Variants in IGLON5 observed in about 807,000 individuals in gnomAD.
IGLON5 encodes the protein IgLON family member 5, also known as Ig-like domain-containing protein ENSP00000270642.
In IGLON5, 16 loss-of-function variants were observed where a neutral mutation model predicts 38.2. That is an observed-to-expected ratio of 0.42 (90% CI 0.28 to 0.64). The LOEUF is 0.64. IGLON5 is among the 30% of genes least tolerant of loss of function. The pLI, the probability that IGLON5 is intolerant of heterozygous loss-of-function variation, is 0.23. For synonymous variants in IGLON5, 207 were observed against 216.4 expected, an observed-to-expected ratio of 0.96 and a Z score of 0.38; for missense variants, 366 against 483.4, an observed-to-expected ratio of 0.76 and a Z score of 2.28.
chr19:51,323,528 C>T (rs1363647585), intron 2 of IGLON5, 134 bp from the exon 3 acceptor site: 1 of 712,422 alleles, frequency 1.4e-6, no homozygotes, highest in Non-Finnish European at 2.4e-6. Context: ...ATGGTGGGCA[C>T]AGCAGCATCC....
In IGLON5 at chr19:51,327,598, G is replaced by A; in HGVS notation, c.768-134G>A. 2 of 1,308,468 alleles carry A rather than the reference G, an allele frequency of 1.5e-6. No homozygotes were observed. Among genetic ancestry groups the A allele is most frequent in the Non-Finnish European group, 2.1e-6 (2 of 966,792 alleles). The allele number at this position is 1,308,468 out of a possible 1,614,324, so 81.1% of individuals were successfully genotyped here. A position where few individuals can be genotyped will look rare whatever the true frequency, so the allele number is the denominator to read the frequency against. ...GGGAGTGACCCGAGGTACATGAGGT[G>A]CTAGAACCCGAGGCGATGGGTCACT... On this transcript the variant is annotated intron_variant, in intron 6 of 7. Transcript: ENST00000270642. This position sits in a 1 kb window ranked among gnomAD's most constrained non-coding sequence, Gnocchi z 7.1.
chr19:51,313,583 C>A (rs1984822108), intron 1 of IGLON5, among the ~76,000 whole-genome samples: 1 of 131,288 alleles, frequency 7.6e-6, no homozygotes, highest in South Asian at 2.4e-4. Flanking sequence ...TTTTCTTTCT[C>A]TTTCCTTCTT....
rs11879401 is a variant in IGLON5, at chr19:51,322,855, T to C, written c.158+713T>C. Among the ~76,000 whole-genome samples, 291 of 149,912 alleles carry C rather than the reference T, an allele frequency of 1.9e-3. 1 individual carries two copies. Among genetic ancestry groups the C allele is most frequent in the African/African-American group, 6.7e-3 (270 of 40,544 alleles). ...CTGTGTGTCTCTGTCCCTCTCTCTC[T>C]GGGTCTCTGTTCTCCTCTCTCTTTC... On this transcript the variant is annotated intron_variant, in intron 2 of 7. Transcript: ENST00000270642.
intron 1 of IGLON5, among the ~76,000 whole-genome samples, chr19:51,316,886 C>G (rs1984938334): frequency 1.3e-5 from 2 of 152,086 alleles, no homozygotes; most frequent in Non-Finnish European, 2.9e-5. Context: ...TTCTCACAGC[C>G]TTTCCCAGCC....
At position 51,323,860 on chromosome 19, in the gene IGLON5, G is replaced by A. The variant is rs1283522705; in HGVS notation, c.357G>A (p.Gln119=). The part of the protein sequence containing the change: ...LYTCSFQTRH[Q]PYTTQVYLIV... ...CCTGCTCCTTCCAGACCCGCCACCA[G>A]CCGTACACCACTCAGGTCTACCTCA... The change falls in exon 3 of 8, where the codon CAG becomes CAA. Residue 119 remains glutamine (Q), a synonymous_variant. Transcript: ENST00000270642. 1 of 1,613,348 alleles carries A rather than the reference G, an allele frequency of 6.2e-7. No homozygotes were observed. The highest frequency in any genetic ancestry group is 8.5e-7 in the Non-Finnish European group (1 of 1,179,572).
At chr19:51,314,935 A>T (rs1984879462) in intron 1 of IGLON5, among the ~76,000 whole-genome samples, 1 of 152,092 alleles carries the variant, frequency 6.6e-6, no homozygotes, top group Non-Finnish European at 1.5e-5. Flanking sequence ...CTGCAGACTT[A>T]GACACGACAC....
chr19:51,326,997 G>T, intron 5 of IGLON5, 83 bp from the exon 6 acceptor site: 1 of 1,589,004 alleles, frequency 6.3e-7, no homozygotes, highest in Admixed American at 1.8e-5. Flanking sequence ...AGACTTACGG[G>T]CCTGAGGGAG....
At chr19:51,322,289 A>G in intron 2 of IGLON5, 147 bp downstream of exon 2, 3 of 675,800 alleles carry the variant, frequency 4.4e-6, no homozygotes, top group Non-Finnish European at 7.9e-6. Flanking sequence ...CGACACAGCT[A>G]TGAGCTGGCT....
rs1390127238 is a variant in IGLON5 at position 51,327,846 on chromosome 19, C to G, written c.882C>G (p.Ala294=). 6.5e-7 allele frequency: 1 copy of G among 1,543,430 alleles called. No individual in the cohort carries two copies. Among genetic ancestry groups the G allele is most frequent in the Admixed American group, 2.0e-5 (1 of 50,716 alleles). The change falls in exon 7 of 8, where the codon GCC becomes GCG. Residue 294 remains alanine (A), a synonymous_variant. Transcript: ENST00000270642. The surrounding 1 kb of genome is among the most constrained non-coding windows in gnomAD (Gnocchi z 7.1). The part of the protein sequence containing the change: ...RHYGNYTCRA[A]NRLGASSASM... ...ACGGCAACTATACGTGTCGCGCCGC[C>G]AACCGACTGGGAGCGTCCAGCGCCT... is the stretch of plus-strand genomic sequence containing the variant.
At position 51,324,760 on chromosome 19, in the gene IGLON5, G is replaced by A. The variant is rs760108177; in HGVS notation, c.392-586G>A. ...CAGCGATACCCTGGCATCCTATCTC[G>A]AGGGCCATCCTGCTTGGAGAAATGT... On this transcript the variant is annotated intron_variant, in intron 3 of 7. Transcript: ENST00000270642. The surrounding 1 kb of genome is among the most constrained non-coding windows in gnomAD (Gnocchi z 4.2). Among the ~76,000 whole-genome samples the A allele has an allele frequency of 1.3e-5, 2 of 151,228 alleles. No homozygotes were observed. The highest frequency in any genetic ancestry group is 6.6e-5 in the Admixed American group (1 of 15,132).
At chr19:51,323,576 G>C in intron 2 of IGLON5, 86 bp from the exon 3 acceptor site, 2 of 1,094,474 alleles carry the variant, frequency 1.8e-6, no homozygotes, top group Non-Finnish European at 2.7e-6. Context: ...AGATGCGGTG[G>C]CCTCCTTCTC....
chr19:51,323,088 TGTGA>T (rs1985115841), intron 2 of IGLON5, among the ~76,000 whole-genome samples: 1 of 148,450 alleles, frequency 6.7e-6, no homozygotes, highest in Admixed American at 6.6e-5. Flanking sequence ...TCTGTGTGTG[TGTGA>T]GTCTCTGTCC....
In IGLON5 at chr19:51,311,753, G is replaced by T. The variant is rs1414255502; in HGVS notation, c.-95G>T. The T allele has an allele frequency of 1.7e-5, 2 of 120,604 alleles. No homozygotes were observed. The highest frequency in any genetic ancestry group is 9.2e-5 in the Admixed American group (1 of 10,894). 7.5% of individuals were successfully genotyped at this position (120,604 alleles called of 1,614,324 possible). On this transcript the variant is annotated 5_prime_UTR_variant, in exon 1 of 8. Coordinates refer to ENST00000270642, the MANE Select transcript of IGLON5 (RefSeq NM_001101372.3). ...CCCCCCGGGCCGGTGCAGCGCAGGC[G>T]GGGTCCCCCTCCCCCTCCCCCCTCT...
In IGLON5 at chr19:51,325,483, G is replaced by A. The variant is rs200204178; in HGVS notation, c.511+18G>A. On this transcript the variant is annotated intron_variant, in intron 4 of 7. Coordinates refer to ENST00000270642, the MANE Select transcript of IGLON5 (RefSeq NM_001101372.3). The surrounding 1 kb of genome is among the most constrained non-coding windows in gnomAD (Gnocchi z 5.5). ...GCTCCGAGGTGAGGACCCCATCCCA[G>A]GTCAAAAGCCCCGTCCCCCACTGCG... is the stretch of plus-strand genomic sequence containing the variant. 6.3e-4 allele frequency: 1,016 copies of A among 1,602,798 alleles called. 7 individuals are homozygous for A. In the African/African-American group the frequency reaches 0.012, roughly 19 times the overall value.
rs1306414868 is a variant in IGLON5 at position 51,325,476 on chromosome 19, C to G, written c.511+11C>G. 1 of 1,605,398 alleles carries G rather than the reference C, an allele frequency of 6.2e-7. No individual in the cohort carries two copies. Among genetic ancestry groups the G allele is most frequent in the Admixed American group, 1.7e-5 (1 of 58,698 alleles). ...GGAGACAGCTCCGAGGTGAGGACCC[C>G]ATCCCAGGTCAAAAGCCCCGTCCCC... On this transcript the variant is annotated intron_variant, in intron 4 of 7. Coordinates refer to ENST00000270642, the MANE Select transcript of IGLON5 (RefSeq NM_001101372.3). This position sits in a 1 kb window ranked among gnomAD's most constrained non-coding sequence, Gnocchi z 5.5.
chr19:51,319,503 C>T (rs1262124488), intron 1 of IGLON5, among the ~76,000 whole-genome samples: 2 of 151,800 alleles, frequency 1.3e-5, no homozygotes, highest in South Asian at 2.1e-4. Context: ...TCATGGTGCT[C>T]GCACCAGTGG....
intron 1 of IGLON5, 58 bp from the exon 2 acceptor site, chr19:51,322,006 C>G: frequency 7.2e-7 from 1 of 1,393,192 alleles, no homozygotes; most frequent in Non-Finnish European, 1.0e-6. Context: ...TGTGCAGGTG[C>G]TACCATGCCC....
In IGLON5 at chr19:51,325,059, C is replaced by T. The variant is rs1345931432; in HGVS notation, c.392-287C>T. On this transcript the variant is annotated intron_variant, in intron 3 of 7. Coordinates refer to ENST00000270642, the MANE Select transcript of IGLON5 (RefSeq NM_001101372.3). This position sits in a 1 kb window ranked among gnomAD's most constrained non-coding sequence, Gnocchi z 5.5. ...GGTGGAGAGAGAATAGAGACAAGAC[C>T]AGCAATTAGACAAGAAGATGCCAGG... is the stretch of plus-strand genomic sequence containing the variant. Among the ~76,000 whole-genome samples, 1 of 151,902 alleles carries T rather than the reference C, an allele frequency of 6.6e-6. No homozygotes were observed. Among genetic ancestry groups the T allele is most frequent in the African/African-American group, 2.4e-5 (1 of 41,348 alleles).
At chr19:51,323,922 G>A (rs770566743) in intron 3 of IGLON5, 28 bp downstream of exon 3, 1 of 1,539,812 alleles carries the variant, frequency 6.5e-7, no homozygotes, top group Non-Finnish European at 8.9e-7. Flanking sequence ...GCCTGGCTGG[G>A]TGGAGGGGTT....
Sources: allele counts gnomAD v4.1 joint callset (sites outside exome capture counted in the v4.1 genomes callset), GRCh38; gene constraint gnomAD v4.1.1; non-coding constraint Gnocchi (gnomAD v3.1); transcripts MANE v1.5; gene names NCBI Gene and HGNC (gene_info 2026-07-23, HGNC 2026-07-21).